RBFOX1: variants seen among roughly 807,000 people sequenced by gnomAD.
The protein encoded by RBFOX1 is RNA binding fox-1 homolog 1.
Under a neutral mutation model 57.7 loss-of-function variants are expected in RBFOX1, and 8 were observed. The ratio of observed to expected loss-of-function variants is 0.14; its 90% CI spans 0.08 to 0.25. RBFOX1 has a LOEUF of 0.25. Ranked by LOEUF, RBFOX1 falls within the 10% of genes least tolerant of loss-of-function variation. The pLI, the probability that RBFOX1 is intolerant of heterozygous loss-of-function variation, is 1.00. For synonymous variants in RBFOX1, 326 were observed against 222.4 expected, an observed-to-expected ratio of 1.47 and a Z score of -4.15; for missense variants, 611 against 548.5, an observed-to-expected ratio of 1.11 and a Z score of -1.14.
At chr16:6,356,435 C>T (rs1320173761) in intron 2 of RBFOX1, among the ~76,000 whole-genome samples, 3 of 152,170 alleles carry the variant, frequency 2.0e-5, no homozygotes, top group African/African-American at 7.2e-5. Context: ...GAGAACTTGT[C>T]TTAAAAAACT....
rs2072401943 is a variant in RBFOX1, at chr16:7,504,743, A to ATT, written c.28-13403_28-13402insTT. 1.5e-3 allele frequency among the ~76,000 whole-genome samples: 23 copies of ATT among 14,966 alleles called. 2 individuals carry two copies. Among genetic ancestry groups the ATT allele is most frequent in the South Asian group, 5.7e-3 (2 of 352 alleles). 9.8% of individuals were successfully genotyped at this position (14,966 alleles called of 152,430 possible). Reference sequence around the variant, plus strand: ...TATATATATATATATATATATATATATATATATATATTTATATATATATAT... The same window carrying ATT: ...TATATATATATATATATATATATATATTTATATATATATTTATATATATATAT... On this transcript the variant is annotated intron_variant, in intron 4 of 15. Coordinates refer to ENST00000550418, the MANE Select transcript of RBFOX1 (RefSeq NM_018723.4).
chr16:6,007,847 C>T (rs1191916614), intron 4 of RBFOX1, among the ~76,000 whole-genome samples: 2 of 151,892 alleles, frequency 1.3e-5, no homozygotes, highest in Non-Finnish European at 2.9e-5. Flanking sequence ...GCCGTGGGGA[C>T]ATTGATGACA....
At chr16:6,833,243 A>G (rs1010854512) in intron 3 of RBFOX1, among the ~76,000 whole-genome samples, 1 of 151,612 alleles carries the variant, frequency 6.6e-6, no homozygotes, top group Non-Finnish European at 1.5e-5. Flanking sequence ...TCGGCTCATT[A>G]CAACCTCCGC....
intron 3 of RBFOX1, among the ~76,000 whole-genome samples, chr16:5,706,055 T>A (rs2051236617): frequency 6.6e-6 from 1 of 152,128 alleles, no homozygotes; most frequent in Non-Finnish European, 1.5e-5. Flanking sequence ...GGATTATAGG[T>A]GCGTGCCACC....
intron 10 of RBFOX1, among the ~76,000 whole-genome samples, chr16:7,621,774 T>G (rs2059353619): frequency 6.6e-6 from 1 of 152,204 alleles, no homozygotes; most frequent in South Asian, 2.1e-4. Context: ...TTAGTATTTT[T>G]GCAAGCAGTA....
At chr16:7,078,678 T>C (rs893164378) in intron 4 of RBFOX1, among the ~76,000 whole-genome samples, 2 of 145,150 alleles carry the variant, frequency 1.4e-5, no homozygotes, top group Non-Finnish European at 3.0e-5. Context: ...TCTTATTTTA[T>C]TTATTTTATT....
At chr16:6,107,155 G>T (rs901588022) in intron 1 of RBFOX1, among the ~76,000 whole-genome samples, 1 of 151,814 alleles carries the variant, frequency 6.6e-6, no homozygotes, top group Non-Finnish European at 1.5e-5. Context: ...TTGTTTTTTT[G>T]TTTTTTTAGT....
At chr16:6,498,084 A>C (rs2095821356) in intron 2 of RBFOX1, among the ~76,000 whole-genome samples, 1 of 151,768 alleles carries the variant, frequency 6.6e-6, no homozygotes. Flanking sequence ...CCCCGTCTCT[A>C]CTTAAAATGT....
At chr16:7,125,758 C>T (rs1407415554) in intron 4 of RBFOX1, among the ~76,000 whole-genome samples, 4 of 151,882 alleles carry the variant, frequency 2.6e-5, no homozygotes, top group African/African-American at 9.7e-5. Flanking sequence ...ATTGTGAGGC[C>T]AAGGATATGA....
chr16:7,293,725 C>G (rs1400460638), intron 4 of RBFOX1, among the ~76,000 whole-genome samples: 1 of 152,128 alleles, frequency 6.6e-6, no homozygotes, highest in Non-Finnish European at 1.5e-5. Flanking sequence ...CTACCCAATA[C>G]CCGATACATC....
intron 2 of RBFOX1, among the ~76,000 whole-genome samples, chr16:6,623,826 T>G (rs958815290): frequency 6.6e-6 from 1 of 152,246 alleles, no homozygotes; most frequent in Admixed American, 6.5e-5. Context: ...TGCCACATTT[T>G]CTTAATCCAG....
At chr16:6,344,242 G>A (rs2084977574) in intron 2 of RBFOX1, among the ~76,000 whole-genome samples, 1 of 151,806 alleles carries the variant, frequency 6.6e-6, no homozygotes, top group Admixed American at 6.6e-5. Context: ...GTAGACACGG[G>A]GTTTCACCAT....
intron 4 of RBFOX1, among the ~76,000 whole-genome samples, chr16:5,902,637 A>G (rs773758827): frequency 6.6e-6 from 1 of 151,962 alleles, no homozygotes; most frequent in African/African-American, 2.4e-5. Context: ...GCTGGTCTCA[A>G]ACTCCTGGCC....
chr16:6,791,403 C>A (rs771897919), intron 3 of RBFOX1, among the ~76,000 whole-genome samples: 1 of 152,100 alleles, frequency 6.6e-6, no homozygotes, highest in Non-Finnish European at 1.5e-5. Context: ...AGGTGCAGCC[C>A]TGTGAAAATG....
intron 4 of RBFOX1, among the ~76,000 whole-genome samples, chr16:5,986,084 C>T (rs1266834127): frequency 6.8e-6 from 1 of 146,978 alleles, no homozygotes; most frequent in Non-Finnish European, 1.5e-5. Context: ...GTTTTCCAGA[C>T]AGGGTCTCGC....
At chr16:7,204,989 CTT>C (rs972531061) in intron 4 of RBFOX1, among the ~76,000 whole-genome samples, 114 of 152,272 alleles carry the variant, frequency 7.5e-4, no homozygotes, top group African/African-American at 2.4e-3. Context: ...GTGACTTTCT[CTT>C]TATCCTACAC....
intron 2 of RBFOX1, among the ~76,000 whole-genome samples, chr16:5,474,051 AGGATGAATG>A (rs925426915): frequency 9.9e-5 from 15 of 152,076 alleles, no homozygotes. Flanking sequence ...GAAGGAAGGA[AGGATGAATG>A]GGTGCATGGA....
intron 4 of RBFOX1, among the ~76,000 whole-genome samples, chr16:7,228,247 A>G (rs751964128): frequency 1.8e-4 from 28 of 152,188 alleles, no homozygotes; most frequent in Non-Finnish European, 3.5e-4. Context: ...GAATGAATGA[A>G]TGAACTTCCG....
intron 2 of RBFOX1, among the ~76,000 whole-genome samples, chr16:6,469,731 A>T (rs1431554007): frequency 6.6e-6 from 1 of 152,176 alleles, no homozygotes; most frequent in Non-Finnish European, 1.5e-5. Context: ...TTAAAAAGTG[A>T]TTCTCAGAAT....
Sources: allele counts gnomAD v4.1 joint callset (sites outside exome capture counted in the v4.1 genomes callset), GRCh38; gene constraint gnomAD v4.1.1; transcripts MANE v1.5; gene names NCBI Gene and HGNC (gene_info 2026-07-23, HGNC 2026-07-21).